PDZD9: variants seen among roughly 807,000 people sequenced by gnomAD.
The protein encoded by PDZD9 is PDZ domain-containing protein 9.
In PDZD9, 13 loss-of-function variants were observed where a neutral mutation model predicts 16.3. That is an observed-to-expected ratio of 0.80 (90% CI 0.52 to 1.27). The LOEUF (loss-of-function observed/expected upper bound fraction) is 1.27. Ranked by LOEUF, PDZD9 falls within the 50% of genes most tolerant of loss-of-function variation. The pLI, the probability that PDZD9 is intolerant of heterozygous loss-of-function variation, is 0.00. For missense variants in PDZD9, 288 were observed against 310.9 expected, an observed-to-expected ratio of 0.93 and a Z score of 0.55; for synonymous variants, 120 against 111.0, an observed-to-expected ratio of 1.08 and a Z score of -0.51.
At chr16:21,968,519 C>G in the PDZD9 span, 8 of 922,270 alleles carry the variant, frequency 8.7e-6, no homozygotes, top group South Asian at 9.0e-5. Context: ...ATTACAGCAA[C>G]TTATAAGGCC....
chr16:21,984,662 T>C lies in PDZD9; in HGVS notation c.402-2A>G, dbSNP rs1274079342. ...GCCAGCTCAATTTTCTTTGGTGTGC[T>C]GAAATGAAAAGAATAGTGAATAAAA... On this transcript the variant is annotated splice_acceptor_variant, in intron 3 of 3. Coordinates refer to ENST00000424898, the MANE Select transcript of PDZD9 (RefSeq NM_001363519.1). LOFTEE classifies it high-confidence loss of function. 5 of 1,498,010 alleles carry C rather than the reference T, an allele frequency of 3.3e-6. No homozygotes were observed. Among genetic ancestry groups the C allele is most frequent in the African/African-American group, 1.4e-5 (1 of 71,438 alleles). The allele number at this position is 1,498,010 out of a possible 1,614,324, so 92.8% of individuals were successfully genotyped here.
the PDZD9 span, chr16:21,971,458 A>C: frequency 1.1e-5 from 14 of 1,297,208 alleles, no homozygotes; most frequent in African/African-American, 1.5e-5. Flanking sequence ...AAAACAAGGA[A>C]AAAATATTTT....
chr16:21,981,101 TA>T (rs1254304343), downstream of PDZD9, among the ~76,000 whole-genome samples: 1 of 152,216 alleles, frequency 6.6e-6, no homozygotes, highest in African/African-American at 2.4e-5. Context: ...TGATCCAACC[TA>T]AATAGTGAAG....
intron 3 of PDZD9, among the ~76,000 whole-genome samples, chr16:21,987,249 GTC>G (rs1491530683): frequency 1.3e-5 from 2 of 151,974 alleles, no homozygotes; most frequent in Non-Finnish European, 2.9e-5. Flanking sequence ...GTGAAACTTC[GTC>G]TCTATTAAAA....
chr16:21,957,704 A>G, the PDZD9 span: 1 of 1,284,536 alleles, frequency 7.8e-7, no homozygotes, highest in Non-Finnish European at 1.1e-6. Flanking sequence ...GGGTAGCTTA[A>G]ACCAAATAAG....
chr16:22,000,390 G>A (rs1233844846), intron 1 of PDZD9, among the ~76,000 whole-genome samples: 1 of 151,912 alleles, frequency 6.6e-6, no homozygotes, highest in Non-Finnish European at 1.5e-5. Flanking sequence ...AAAACAGATG[G>A]GGGTGTGAGG....
chr16:21,962,239 C>T, the PDZD9 span: 2 of 557,916 alleles, frequency 3.6e-6, no homozygotes, highest in Non-Finnish European at 6.4e-6. Flanking sequence ...TGTGTTGTAA[C>T]ATGTGACCAG....
chr16:21,968,692 T>G, the PDZD9 span: 1 of 1,604,920 alleles, frequency 6.2e-7, no homozygotes, highest in African/African-American at 1.3e-5. Flanking sequence ...CTTGGTAAGT[T>G]TAGAGTATTG....
intron 3 of PDZD9, among the ~76,000 whole-genome samples, chr16:21,985,235 T>A (rs1356535586): frequency 1.3e-5 from 2 of 152,172 alleles, no homozygotes; most frequent in Admixed American, 1.3e-4. Context: ...TGGCCTCTGC[T>A]TCCAAAGTAG....
intron 3 of PDZD9, 106 bp downstream of exon 3, chr16:21,988,496 C>G: frequency 2.1e-6 from 2 of 945,520 alleles, no homozygotes; most frequent in Non-Finnish European, 3.1e-6. Flanking sequence ...ACCAGTCCTC[C>G]TGTCATGATC....
At chr16:21,973,421 T>C in the PDZD9 span, among the ~76,000 whole-genome samples, 1 of 152,184 alleles carries the variant, frequency 6.6e-6, no homozygotes, top group Non-Finnish European at 1.5e-5. Flanking sequence ...GAGGTTAAAC[T>C]CTTGATAGCT....
At chr16:21,977,030 T>C in the PDZD9 span, 2 of 152,144 alleles carry the variant, frequency 1.3e-5, no homozygotes, top group African/African-American at 4.8e-5. Flanking sequence ...AAAGACTCCA[T>C]GTTAGAGTGT....
the PDZD9 span, among the ~76,000 whole-genome samples, chr16:21,978,166 T>C: frequency 6.6e-6 from 1 of 152,202 alleles, no homozygotes; most frequent in East Asian, 1.9e-4. Flanking sequence ...TACTTTTTCT[T>C]GTAAGTTCTT....
At chr16:21,996,588 G>A (rs1481341997) in intron 1 of PDZD9, 87 bp from the exon 2 acceptor site, 13 of 1,240,826 alleles carry the variant, frequency 1.0e-5, no homozygotes, top group African/African-American at 1.5e-5. Flanking sequence ...CAGATCCCTG[G>A]GACAGTTATT....
chr16:21,963,748 C>T, the PDZD9 span, among the ~76,000 whole-genome samples: 62 of 152,186 alleles, frequency 4.1e-4, no homozygotes, highest in Non-Finnish European at 7.4e-4. Context: ...GGATTACAGG[C>T]GTGAGCCACT....
the PDZD9 span, chr16:21,976,107 C>A: frequency 1.7e-6 from 2 of 1,168,994 alleles, no homozygotes; most frequent in Non-Finnish European, 1.3e-6. Context: ...AGAAGTGTGT[C>A]AGTGCTGCAG....
At chr16:21,983,567 G>A (rs971165690), downstream of PDZD9, 1 of 239,312 alleles carries the variant, frequency 4.2e-6, no homozygotes, top group Non-Finnish European at 7.9e-6. Flanking sequence ...TGTCATTTTG[G>A]GTGTCAACAG....
At chr16:21,960,450 C>G in the PDZD9 span, among the ~76,000 whole-genome samples, 1 of 152,216 alleles carries the variant, frequency 6.6e-6, no homozygotes, top group East Asian at 1.9e-4. Flanking sequence ...ACAGTTTGAT[C>G]TAATCCAGAC....
chr16:21,968,146 C>T, the PDZD9 span, among the ~76,000 whole-genome samples: 4 of 151,852 alleles, frequency 2.6e-5, no homozygotes, highest in African/African-American at 4.8e-5. Flanking sequence ...GGATTACAGG[C>T]GTGCACCACC....
Sources: gnomAD v4.1 joint callset for allele counts (sites outside exome capture counted in the v4.1 genomes callset) on GRCh38, gnomAD v4.1.1 for gene constraint, MANE v1.5 for transcripts, NCBI Gene and HGNC (gene_info 2026-07-23, HGNC 2026-07-21) for gene names.